ANK2: variants seen among roughly 807,000 people sequenced by gnomAD.
The protein encoded by ANK2 is ankyrin-2.
Under a neutral mutation model 360.5 loss-of-function variants are expected in ANK2, and 83 were observed. The observed-to-expected ratio is 0.23, with a 90% CI of 0.19 to 0.28. The LOEUF (loss-of-function observed/expected upper bound fraction) is 0.28. Ranked by LOEUF, ANK2 falls within the 10% of genes least tolerant of loss-of-function variation. ANK2 has a pLI of 1.00. For missense variants in ANK2, 4,201 were observed against 4,795.7 expected, an observed-to-expected ratio of 0.88 and a Z score of 3.66; for synonymous variants, 1,740 against 1,759.5, an observed-to-expected ratio of 0.99 and a Z score of 0.28.
At chr4:112,955,966 C>G (rs999546355) in intron 2 of ANK2, among the ~76,000 whole-genome samples, 2 of 152,148 alleles carry the variant, frequency 1.3e-5, no homozygotes, top group Non-Finnish European at 2.9e-5. Context: ...TAACCAAAAC[C>G]ACAAAAATCA....
intron 2 of ANK2, among the ~76,000 whole-genome samples, chr4:112,926,068 AG>A (rs2092508207): frequency 6.6e-6 from 1 of 152,214 alleles, no homozygotes; most frequent in Non-Finnish European, 1.5e-5. Flanking sequence ...TTAAAAGTTC[AG>A]GGACTTGGAT....
chr4:112,827,290 AAAG>A, intron 1 of ANK2: 1 of 1,073,334 alleles, frequency 9.3e-7, no homozygotes, highest in East Asian at 2.4e-5. Context: ...TCATTGTAAT[AAAG>A]AAGATCCAGA....
rs1162665614 is a variant in ANK2, at chr4:113,096,106, C to CA, written c.84+46295dup. 2.6e-5 allele frequency among the ~76,000 whole-genome samples: 4 copies of CA among 152,278 alleles called. No individual in the cohort carries two copies. In the East Asian group the frequency reaches 7.7e-4, roughly 29 times the overall value. ...ATAGGGTTCAAATATAAGGAGCACTCAGAAGCTGACCAGGAGTTCAGTGCC... is the reference window on the plus strand; with the variant it reads ...ATAGGGTTCAAATATAAGGAGCACTCAAGAAGCTGACCAGGAGTTCAGTGCC... On this transcript the variant is annotated intron_variant, in intron 1 of 45. Coordinates refer to ENST00000357077, the MANE Select transcript of ANK2 (RefSeq NM_001148.6).
intron 1 of ANK2, among the ~76,000 whole-genome samples, chr4:113,117,929 T>C (rs1447463394): frequency 6.6e-6 from 1 of 152,196 alleles, no homozygotes; most frequent in East Asian, 1.9e-4. Flanking sequence ...GGTTTTCACT[T>C]CTTAGTGAAG....
chr4:113,115,478 A>T (rs2094673201), intron 1 of ANK2, among the ~76,000 whole-genome samples: 1 of 152,126 alleles, frequency 6.6e-6, no homozygotes, highest in Non-Finnish European at 1.5e-5. Flanking sequence ...ACACTGATCC[A>T]TGCCATGGTG....
At chr4:113,092,034 T>C (rs2088507318) in intron 1 of ANK2, among the ~76,000 whole-genome samples, 1 of 152,224 alleles carries the variant, frequency 6.6e-6, no homozygotes, top group African/African-American at 2.4e-5. Flanking sequence ...AATATGAAGA[T>C]TGGTAGAAAC....
At chr4:113,018,556 T>A (rs2057256892) in intron 2 of ANK2, among the ~76,000 whole-genome samples, 1 of 147,746 alleles carries the variant, frequency 6.8e-6, no homozygotes, top group African/African-American at 2.5e-5. Context: ...TTTTGCCAAA[T>A]ATGGTATGTG....
At chr4:113,268,506 C>T (rs1037982854) in intron 14 of ANK2, among the ~76,000 whole-genome samples, 5 of 152,054 alleles carry the variant, frequency 3.3e-5, no homozygotes, top group Admixed American at 2.0e-4. Context: ...TTGAGATTAT[C>T]GTGTAGTTTT....
At chr4:113,237,757 A>G (rs746581057) in intron 7 of ANK2, 135 bp downstream of exon 7, 2 of 800,910 alleles carry the variant, frequency 2.5e-6, no homozygotes, top group Non-Finnish European at 4.3e-6. Context: ...AACCTTCCCC[A>G]TAATGAAGGC....
In ANK2 at chr4:113,292,423, A is replaced by T. The variant is rs759804725; in HGVS notation, c.2285A>T (p.Tyr762Phe). 6.2e-7 allele frequency: 1 copy of T among 1,609,978 alleles called. No homozygotes were observed. Among genetic ancestry groups the T allele is most frequent in the South Asian group, 1.1e-5 (1 of 90,120 alleles). The change falls in exon 21 of 46, where the codon TAC becomes TTC. Residue 762 changes from tyrosine (Y) to phenylalanine (F), a missense_variant. Physicochemically the swap from Tyr to Phe is conservative, Grantham distance 22. Coordinates refer to ENST00000357077, the MANE Select transcript of ANK2 (RefSeq NM_001148.6). ...ANVNAKTKNG[Y>F]TPLHQAAQQG... ...CACCACTGTCCTCCACAGAACGGCT[A>T]CACGCCTTTGCACCAGGCCGCTCAG...
At chr4:112,784,209 T>C in the ANK2 span, among the ~76,000 whole-genome samples, 1 of 152,038 alleles carries the variant, frequency 6.6e-6, no homozygotes, top group Admixed American at 6.6e-5. Context: ...AATATGCTTT[T>C]TTTTTTGAGA....
At chr4:112,920,305 T>C (rs961693121) in intron 2 of ANK2, among the ~76,000 whole-genome samples, 1 of 152,222 alleles carries the variant, frequency 6.6e-6, no homozygotes, top group Non-Finnish European at 1.5e-5. Context: ...TACTGTGTGC[T>C]GGCAACAACT....
chr4:112,991,615 CTTTCTTTT>C (rs2046844861), intron 2 of ANK2, among the ~76,000 whole-genome samples: 1 of 80,656 alleles, frequency 1.2e-5, no homozygotes, highest in Admixed American at 1.7e-4. Context: ...TCTTTTCTTT[CTTTCTTTT>C]TTTTTTTTTT....
At chr4:113,373,502 G>T in intron 45 of ANK2, 53 bp downstream of exon 45, 2 of 1,569,384 alleles carry the variant, frequency 1.3e-6, no homozygotes, top group South Asian at 2.2e-5. Flanking sequence ...ACAAAATAGA[G>T]CTCAAGAAAG....
chr4:112,888,591 TAGAG>T (rs966002893), intron 1 of ANK2, among the ~76,000 whole-genome samples: 1 of 152,092 alleles, frequency 6.6e-6, no homozygotes, highest in Non-Finnish European at 1.5e-5. Flanking sequence ...TGACTCTACA[TAGAG>T]AGAGTCATGT....
At chr4:113,102,039 A>G (rs2092933473) in intron 1 of ANK2, among the ~76,000 whole-genome samples, 1 of 152,112 alleles carries the variant, frequency 6.6e-6, no homozygotes, top group South Asian at 2.1e-4. Flanking sequence ...AGTTTAATGG[A>G]AATTTATTGG....
rs10013719 is a variant in ANK2, at chr4:113,182,556, A to G, written c.186+8039A>G. 6.6e-3 allele frequency among the ~76,000 whole-genome samples: 1,002 copies of G among 152,294 alleles called. 17 individuals are homozygous for G. The highest frequency in any genetic ancestry group is 0.023 in the African/African-American group (957 of 41,566). Reference sequence around the variant, plus strand: ...ATGAGAAGCCATCAAGGAGAATGGGAAAGAGTGTCCAGGGATGTAGGAGGA... The same window carrying G: ...ATGAGAAGCCATCAAGGAGAATGGGGAAGAGTGTCCAGGGATGTAGGAGGA... On this transcript the variant is annotated intron_variant, in intron 2 of 45. Coordinates refer to ENST00000357077, the MANE Select transcript of ANK2 (RefSeq NM_001148.6).
rs186853698 is a variant in ANK2 at position 112,951,125 on chromosome 4, T to C, written c.21+46611T>C. 2.6e-3 allele frequency among the ~76,000 whole-genome samples: 386 copies of C among 149,516 alleles called. 2 individuals carry two copies. The highest frequency in any genetic ancestry group is 9.0e-3 in the African/African-American group (365 of 40,502). Reference sequence around the variant, plus strand: ...AAAAAAATGTGTGCCTCTTTGACAGTAATTTAATGCTTGGAAGTTTATCCT... The same window carrying C: ...AAAAAAATGTGTGCCTCTTTGACAGCAATTTAATGCTTGGAAGTTTATCCT... On this transcript the variant is annotated intron_variant, in intron 2 of 30. Coordinates refer to the ANK2 transcript ENST00000503271.
intron 2 of ANK2, among the ~76,000 whole-genome samples, chr4:113,039,786 A>G (rs1579727683): frequency 6.6e-6 from 1 of 151,970 alleles, no homozygotes; most frequent in East Asian, 1.9e-4. Context: ...AATGGTTTCT[A>G]AGTTACCTTC....
Sources: gnomAD v4.1 joint callset for allele counts (sites outside exome capture counted in the v4.1 genomes callset) on GRCh38, gnomAD v4.1.1 for gene constraint, MANE v1.5 for transcripts, NCBI Gene and HGNC (gene_info 2026-07-23, HGNC 2026-07-21) for gene names.